FAM216A: variants seen among roughly 807,000 people sequenced by gnomAD.
The protein encoded by FAM216A is family with sequence similarity 216 member A.
In FAM216A, 26 loss-of-function variants were observed where a neutral mutation model predicts 37.6. That is an observed-to-expected ratio of 0.69 (90% CI 0.51 to 0.96). The LOEUF (loss-of-function observed/expected upper bound fraction) is 0.96, where lower values mean the gene tolerates loss of function less well. Ranked by LOEUF, FAM216A falls within the 40% of genes least tolerant of loss-of-function variation. The pLI is 0.00. For synonymous variants in FAM216A, 110 were observed against 121.7 expected (o/e 0.90, Z 0.64); for missense variants, 326 against 339.3 (o/e 0.96, Z 0.31).
chr12:110,483,614 A>G (rs1223487846), intron 2 of FAM216A, among the ~76,000 whole-genome samples: 1 of 152,208 alleles, frequency 6.6e-6, no homozygotes, highest in African/African-American at 2.4e-5. Context: ...ACCTGAGGTC[A>G]GGTGTTTGGG....
intron 2 of FAM216A, among the ~76,000 whole-genome samples, chr12:110,473,926 A>G (rs773109104): frequency 7.2e-5 from 11 of 152,160 alleles, no homozygotes; most frequent in Non-Finnish European, 1.3e-4. Context: ...GCTGGAATTA[A>G]CTGACTGTAG....
chr12:110,478,295 T>C (rs2062726177), intron 2 of FAM216A, among the ~76,000 whole-genome samples: 1 of 152,236 alleles, frequency 6.6e-6, no homozygotes, highest in East Asian at 1.9e-4. Flanking sequence ...AACGTTGTAC[T>C]GTCCCTGTTC....
intron 2 of FAM216A, among the ~76,000 whole-genome samples, chr12:110,482,355 G>A (rs894791634): frequency 2.0e-5 from 3 of 151,946 alleles, no homozygotes; most frequent in African/African-American, 7.3e-5. Flanking sequence ...TGGGATTACA[G>A]GCATGGGCCA....
intron 5 of FAM216A, chr12:110,486,978 A>C (rs1592983460): frequency 2.7e-6 from 1 of 372,030 alleles, no homozygotes; most frequent in Non-Finnish European, 4.9e-6. Flanking sequence ...AGGTACTCTC[A>C]CCTCCGCCTC....
chr12:110,477,346 T>G (rs1302529538), intron 2 of FAM216A, among the ~76,000 whole-genome samples: 1 of 152,176 alleles, frequency 6.6e-6, no homozygotes, highest in Non-Finnish European at 1.5e-5. Flanking sequence ...TCATCCATTC[T>G]TTTATTTATT....
intron 3 of FAM216A, among the ~76,000 whole-genome samples, chr12:110,485,696 G>C (rs76617420): frequency 6.6e-6 from 1 of 152,174 alleles, no homozygotes; most frequent in Non-Finnish European, 1.5e-5. Context: ...AGTATCTCTA[G>C]AGCAATGTGA....
chr12:110,468,959 G>C lies in FAM216A; in HGVS notation c.84G>C (p.Thr28=), dbSNP rs1366472976. Residue 28 remains threonine, a synonymous_variant, in exon 1 of 7, where the codon ACG becomes ACC. Coordinates refer to ENST00000377673, the MANE Select transcript of FAM216A (RefSeq NM_013300.3). ...MPGQGPGSDW[T]ERSSSAEPPA... is the part of the protein sequence containing the mutation. ...GCCAGGGTCCGGGGTCCGACTGGACGGAGCGTAGCTCTTCTGCAGAGCCGC... is the reference window on the plus strand; with the variant it reads ...GCCAGGGTCCGGGGTCCGACTGGACCGAGCGTAGCTCTTCTGCAGAGCCGC... 2 of 1,522,734 alleles carry C rather than the reference G, an allele frequency of 1.3e-6. No homozygotes were observed. Among genetic ancestry groups the C allele is most frequent in the Non-Finnish European group, 8.8e-7 (1 of 1,138,242 alleles). The allele number at this position is 1,522,734 out of a possible 1,614,324, so 94.3% of individuals were successfully genotyped here.
At chr12:110,477,408 A>G (rs977191952) in intron 2 of FAM216A, among the ~76,000 whole-genome samples, 2 of 152,206 alleles carry the variant, frequency 1.3e-5, no homozygotes, top group African/African-American at 4.8e-5. Flanking sequence ...GCTGGAGTGC[A>G]GTGGTGCAAT....
intron 1 of FAM216A, among the ~76,000 whole-genome samples, chr12:110,470,475 A>AT (rs560103990): frequency 0.023 from 3,172 of 135,882 alleles, 68 homozygotes; most frequent in African/African-American, 0.067. Flanking sequence ...AGATACGTGA[A>AT]TTTTTTTTTT....
At chr12:110,486,763 T>A (rs750396471) in intron 5 of FAM216A, 46 bp downstream of exon 5, 1 of 1,541,078 alleles carries the variant, frequency 6.5e-7, no homozygotes, top group Non-Finnish European at 8.8e-7. Context: ...TCAGTTTAAT[T>A]TTTTTTTTTC....
chr12:110,473,046 C>G, intron 1 of FAM216A, 32 bp from the exon 2 acceptor site: 1 of 847,510 alleles, frequency 1.2e-6, no homozygotes, highest in Non-Finnish European at 1.8e-6. Context: ...GTAATTATTA[C>G]ATATTATTTA....
intron 6 of FAM216A, among the ~76,000 whole-genome samples, chr12:110,489,116 C>T (rs1413231873): frequency 2.6e-5 from 4 of 152,104 alleles, no homozygotes; most frequent in East Asian, 3.8e-4. Context: ...GAAGACAGAC[C>T]GAATGATCAG....
At chr12:110,469,459 A>T (rs2062666224) in intron 1 of FAM216A, among the ~76,000 whole-genome samples, 2 of 152,098 alleles carry the variant, frequency 1.3e-5, no homozygotes, top group Non-Finnish European at 1.5e-5. Context: ...CTCTAGTGAC[A>T]TGAGCCACCT....
chr12:110,486,503 A>C (rs764240801), intron 4 of FAM216A, 31 bp from the exon 5 acceptor site: 3 of 1,607,942 alleles, frequency 1.9e-6, no homozygotes, highest in Non-Finnish European at 2.6e-6. Flanking sequence ...AATTAGTGAG[A>C]GGGTCTTTTA....
intron 6 of FAM216A, among the ~76,000 whole-genome samples, chr12:110,488,393 AGAGT>A (rs746881760): frequency 2.7e-5 from 4 of 149,996 alleles, no homozygotes; most frequent in Non-Finnish European, 5.9e-5. Context: ...CCTGGGTGAC[AGAGT>A]GAGACTCCAT....
intron 6 of FAM216A, among the ~76,000 whole-genome samples, chr12:110,489,460 C>T (rs1196591232): frequency 5.3e-5 from 8 of 149,908 alleles, no homozygotes; most frequent in African/African-American, 5.0e-5. Flanking sequence ...GCCAAGATCG[C>T]GCCACTGCAC....
chr12:110,469,315 T>C (rs1379952737), intron 1 of FAM216A: 2 of 336,178 alleles, frequency 5.9e-6, no homozygotes, highest in African/African-American at 4.3e-5. Context: ...GAGGGGGCGC[T>C]GCGAGCCCTG....
At chr12:110,485,504 T>C (rs939893839) in intron 3 of FAM216A, among the ~76,000 whole-genome samples, 9 of 151,402 alleles carry the variant, frequency 5.9e-5, no homozygotes, top group Non-Finnish European at 1.2e-4. Context: ...TTCTTGAAAA[T>C]AGAAACCCAA....
intron 2 of FAM216A, among the ~76,000 whole-genome samples, chr12:110,474,249 G>C (rs957947189): frequency 4.6e-5 from 7 of 151,932 alleles, no homozygotes; most frequent in Admixed American, 1.3e-4. Flanking sequence ...ATAATTATTA[G>C]TAATATATTC....
Sources: gnomAD v4.1 joint callset for allele counts (sites outside exome capture counted in the v4.1 genomes callset) on GRCh38, gnomAD v4.1.1 for gene constraint, MANE v1.5 for transcripts, NCBI Gene and HGNC (gene_info 2026-07-23, HGNC 2026-07-21) for gene names.